Variants in ACTA2 observed in about 807,000 individuals in gnomAD.
ACTA2 encodes the protein actin alpha 2, smooth muscle.
Under a neutral mutation model 39.5 loss-of-function variants are expected in ACTA2, and 12 were observed. The ratio of observed to expected loss-of-function variants is 0.30; its 90% CI spans 0.19 to 0.49. The LOEUF is 0.49. Among genes scored for constraint, ACTA2 ranks in the 20% least tolerant of loss-of-function variants. The pLI, the probability that ACTA2 is intolerant of heterozygous loss-of-function variation, is 0.99. For synonymous variants in ACTA2, 158 were observed against 180.6 expected (o/e 0.88, Z 1.00); for missense variants, 236 against 498.8 (o/e 0.47, Z 5.02).
At chr10:88,950,153 C>T (rs921995616) in intron 1 of ACTA2, among the ~76,000 whole-genome samples, 1 of 152,206 alleles carries the variant, frequency 6.6e-6, no homozygotes, top group African/African-American at 2.4e-5. Flanking sequence ...TCCAGCCAGA[C>T]ATCAGGTACT....
chr10:88,956,480 G>A (rs111355665), upstream of ACTA2, among the ~76,000 whole-genome samples: 57 of 152,284 alleles, frequency 3.7e-4, no homozygotes, highest in African/African-American at 1.3e-3. Context: ...ATCGAGGATA[G>A]TTCAACATAA....
rs1156640249 is a variant in ACTA2, at chr10:88,943,856, G to A, written c.310C>T (p.Pro104Ser). ...NELRVAPEEH[P>S]TLLTEAPLNP... Reference sequence around the variant, plus strand: ...AGGGGTGCCTCCGTGAGCAGGGTGGGATGCTCTTCAGGGGCAACACGAAGC... The same window carrying A: ...AGGGGTGCCTCCGTGAGCAGGGTGGAATGCTCTTCAGGGGCAACACGAAGC... Residue 104 changes from proline (P) to serine (S), a missense_variant, in exon 4 of 9, where the codon CCC (proline) becomes TCC (serine). Coordinates refer to ENST00000224784, the MANE Select transcript of ACTA2 (RefSeq NM_001613.4). The A allele has an allele frequency of 6.2e-7, 1 of 1,613,910 alleles. No homozygotes were observed. Among genetic ancestry groups the A allele is most frequent in the Non-Finnish European group, 8.5e-7 (1 of 1,179,942 alleles).
At chr10:88,938,516 G>T in intron 7 of ACTA2, 1 of 436,988 alleles carries the variant, frequency 2.3e-6, no homozygotes, top group Non-Finnish European at 4.3e-6. Flanking sequence ...CTCACTCCAT[G>T]TGGTTTAAAT....
intron 1 of ACTA2, among the ~76,000 whole-genome samples, chr10:88,966,724 C>G (rs1846324484): frequency 6.6e-6 from 1 of 152,190 alleles, no homozygotes; most frequent in African/African-American, 2.4e-5. Flanking sequence ...GACAATGGCA[C>G]TTGCCAGCCA....
intron 1 of ACTA2, among the ~76,000 whole-genome samples, chr10:88,976,739 A>C (rs1361373058): frequency 1.3e-5 from 2 of 152,260 alleles, no homozygotes; most frequent in Non-Finnish European, 2.9e-5. Flanking sequence ...CTATGATAGA[A>C]ATAAAGTGTT....
Position 88,990,130 on chromosome 10 carries a change from A to C in ACTA2, c.-24+809T>G, listed in dbSNP as rs150130637. ...TTTGTTTTCCTCTTGAGAAATAAAA[A>C]CTAAGGGGCCCTCCCTTTTCAGAGC... On this transcript the variant is annotated intron_variant, in intron 1 of 4. Coordinates refer to the ACTA2 transcript ENST00000415557. The surrounding 1 kb of genome is among the most constrained non-coding windows in gnomAD (Gnocchi z 4.9). 6.6e-6 allele frequency among the ~76,000 whole-genome samples: 1 copy of C among 152,288 alleles called. No homozygotes were observed. The highest frequency in any genetic ancestry group is 2.1e-4 in the South Asian group (1 of 4,828).
intron 5 of ACTA2, 140 bp downstream of exon 5, chr10:88,941,645 G>A (rs1309062702): frequency 2.3e-6 from 2 of 873,642 alleles, no homozygotes; most frequent in African/African-American, 3.3e-5. Context: ...TTGAACACTA[G>A]AAGAAGATCT....
At chr10:88,962,420 G>A (rs1846239789) in intron 1 of ACTA2, among the ~76,000 whole-genome samples, 1 of 152,094 alleles carries the variant, frequency 6.6e-6, no homozygotes, top group Non-Finnish European at 1.5e-5. Context: ...AGTATGAAAT[G>A]TCATCAAGGA....
At chr10:88,986,356 T>A (rs933316411) in intron 1 of ACTA2, among the ~76,000 whole-genome samples, 3 of 152,180 alleles carry the variant, frequency 2.0e-5, no homozygotes, top group African/African-American at 7.2e-5. Flanking sequence ...GGGTACTCAA[T>A]TGGATTAAGA....
At chr10:88,945,556 G>A (rs1845930979) in intron 3 of ACTA2, among the ~76,000 whole-genome samples, 2 of 152,064 alleles carry the variant, frequency 1.3e-5, no homozygotes, top group Non-Finnish European at 2.9e-5. Flanking sequence ...TGTCTGTAAT[G>A]TTTAATGACC....
chr10:88,939,583 C>A lies in ACTA2; in HGVS notation c.732G>T (p.Leu244Phe). ...CGATGGTGATCACTTGCCCATCAGG[C>A]AACTCGTAACTCTTCTCAAGGGAGG... ...SSSSLEKSYE[L>F]PDGQVITIGN... Residue 244 changes from leucine to phenylalanine, a missense_variant, in exon 7 of 9, where the codon TTG becomes TTT. Leu to Phe is a conservative substitution (Grantham distance 22). Transcript: ENST00000224784. 6.2e-7 allele frequency: 1 copy of A among 1,614,108 alleles called. No homozygotes were observed. The highest frequency in any genetic ancestry group is 8.5e-7 in the Non-Finnish European group (1 of 1,179,988).
intron 1 of ACTA2, among the ~76,000 whole-genome samples, chr10:88,968,375 G>C (rs564027184): frequency 5.9e-5 from 9 of 152,226 alleles, no homozygotes; most frequent in Middle Eastern, 3.4e-3. Flanking sequence ...CAGGGTTTTT[G>C]ATCATCTTGG....
At chr10:88,986,681 A>G (rs1846897710) in intron 1 of ACTA2, among the ~76,000 whole-genome samples, 1 of 151,994 alleles carries the variant, frequency 6.6e-6, no homozygotes, top group African/African-American at 2.4e-5. Context: ...GAAGTAGTGC[A>G]GGAAGGAAGT....
chr10:88,965,561 A>C lies in ACTA2; in HGVS notation c.-23-16608T>G, dbSNP rs569619343. Among the ~76,000 whole-genome samples, 8 of 152,290 alleles carry C rather than the reference A, an allele frequency of 5.3e-5. No homozygotes were observed. In the East Asian group the frequency reaches 1.5e-3, roughly 29 times the overall value. On this transcript the variant is annotated intron_variant, in intron 1 of 4. Coordinates refer to the ACTA2 transcript ENST00000415557. ...TAGTGTACTTGCCTTAGGAGGTCAA[A>C]CACATTAGGTATACCAACATATCGA...
At chr10:88,979,588 C>T (rs1846659113) in intron 1 of ACTA2, among the ~76,000 whole-genome samples, 1 of 152,038 alleles carries the variant, frequency 6.6e-6, no homozygotes, top group African/African-American at 2.4e-5. Flanking sequence ...CTCACTCTCC[C>T]TCTCTTTTAA....
At chr10:88,964,874 C>T (rs142871810) in intron 1 of ACTA2, among the ~76,000 whole-genome samples, 147 of 152,162 alleles carry the variant, frequency 9.7e-4, no homozygotes, top group Non-Finnish European at 1.5e-3. Context: ...TTCTTTTGCC[C>T]GCCTGTTTTT....
intron 1 of ACTA2, among the ~76,000 whole-genome samples, chr10:88,985,956 T>C (rs964571834): frequency 1.3e-5 from 2 of 152,264 alleles, no homozygotes; most frequent in African/African-American, 4.8e-5. Flanking sequence ...AATAGTGGCA[T>C]ATTTATTTTT....
intron 6 of ACTA2, chr10:88,941,013 A>C: frequency 1.7e-6 from 1 of 588,802 alleles, no homozygotes; most frequent in Non-Finnish European, 3.1e-6. Flanking sequence ...CTAATGCATA[A>C]CACTGGGTGT....
intron 2 of ACTA2, 188 bp downstream of exon 2, chr10:88,948,614 C>A (rs549935045): frequency 1.4e-6 from 1 of 700,686 alleles, no homozygotes; most frequent in African/African-American, 1.8e-5. Flanking sequence ...CTGATAGATG[C>A]CCATCAGATA....
Sources: gnomAD v4.1 joint callset for allele counts (sites outside exome capture counted in the v4.1 genomes callset) on GRCh38, gnomAD v4.1.1 for gene constraint, Gnocchi (gnomAD v3.1) non-coding constraint, MANE v1.5 for transcripts, NCBI Gene and HGNC (gene_info 2026-07-23, HGNC 2026-07-21) for gene names.